Variants in CCNY observed in about 807,000 individuals in gnomAD.
CCNY encodes cyclin-Y.
In CCNY, 19 loss-of-function variants were observed where a neutral mutation model predicts 42.8. The ratio of observed to expected loss-of-function variants is 0.44; its 90% CI spans 0.31 to 0.65. The LOEUF (loss-of-function observed/expected upper bound fraction) is 0.65. Among genes scored for constraint, CCNY ranks in the 30% least tolerant of loss-of-function variants. The pLI is 0.07. For missense variants in CCNY, 370 were observed against 437.3 expected, an observed-to-expected ratio of 0.85 and a Z score of 1.37; for synonymous variants, 165 against 162.7, an observed-to-expected ratio of 1.01 and a Z score of -0.11.
At chr10:35,508,982 A>C (rs964978569) in intron 3 of CCNY, among the ~76,000 whole-genome samples, 58 of 152,224 alleles carry the variant, frequency 3.8e-4, no homozygotes, top group African/African-American at 1.2e-3. Flanking sequence ...AAATGTAATC[A>C]TATAATACAT....
At chr10:35,292,872 T>C (rs1487489276) in intron 3 of CCNY, among the ~76,000 whole-genome samples, 1 of 148,840 alleles carries the variant, frequency 6.7e-6, no homozygotes, top group Non-Finnish European at 1.5e-5. Flanking sequence ...TGCAGTCTCC[T>C]GGGTTCAAGC....
At chr10:35,517,498 C>T (rs767116756) in intron 4 of CCNY, among the ~76,000 whole-genome samples, 23 of 152,156 alleles carry the variant, frequency 1.5e-4, no homozygotes, top group Non-Finnish European at 2.9e-4. Flanking sequence ...GAGTATTCGT[C>T]CATTTCAGTG....
chr10:35,370,480 T>C lies in CCNY; in HGVS notation c.154+33273T>C, dbSNP rs568265716. 1.5e-4 allele frequency among the ~76,000 whole-genome samples: 23 copies of C among 152,032 alleles called. No homozygotes were observed. The South Asian group carries it at 4.6e-3, about 30-fold the overall frequency. On this transcript the variant is annotated intron_variant, in intron 1 of 9. Coordinates refer to ENST00000374704, the MANE Select transcript of CCNY (RefSeq NM_145012.6). ...CTCATCCATATTCTTTTGGTGTTTA[T>C]GTATACTTGCTCTGTGCCTGGAAAC...
chr10:35,343,964 G>A (rs1298336184), intron 1 of CCNY, among the ~76,000 whole-genome samples: 1 of 152,090 alleles, frequency 6.6e-6, no homozygotes, highest in Non-Finnish European at 1.5e-5. Flanking sequence ...ATTCAACATT[G>A]GGCTGTGAGG....
At chr10:35,440,504 G>C (rs187406161) in intron 1 of CCNY, among the ~76,000 whole-genome samples, 59 of 152,322 alleles carry the variant, frequency 3.9e-4, no homozygotes, top group African/African-American at 1.3e-3. Context: ...GCCTGGCCTG[G>C]ATCTGCCTAC....
chr10:35,290,307 C>T (rs1347641317), intron 3 of CCNY, among the ~76,000 whole-genome samples: 3 of 148,032 alleles, frequency 2.0e-5, no homozygotes, highest in Non-Finnish European at 4.4e-5. Flanking sequence ...ATCCCAGCTA[C>T]TTGGGAGGTT....
At chr10:35,437,298 G>C (rs757121953) in intron 1 of CCNY, among the ~76,000 whole-genome samples, 9 of 152,178 alleles carry the variant, frequency 5.9e-5, no homozygotes, top group Admixed American at 2.0e-4. Context: ...TCAGGCAAAG[G>C]CCTAATAATT....
chr10:35,558,315 A>G (rs1841400298), intron 8 of CCNY, among the ~76,000 whole-genome samples: 2 of 152,216 alleles, frequency 1.3e-5, no homozygotes, highest in East Asian at 3.9e-4. Context: ...CAGAAGGAGA[A>G]CCTGCACACA....
chr10:35,318,298 G>A lies in CCNY; in HGVS notation c.-9+67672G>A, dbSNP rs192398195. Among the ~76,000 whole-genome samples the A allele has an allele frequency of 3.0e-3, 453 of 152,212 alleles. 17 individuals are homozygous for A. The highest frequency in any genetic ancestry group is 0.027 in the Admixed American group (420 of 15,276). ...TGTTAAGCAGAAGGGCAAGAAAGCA[G>A]AGTTGTGACCACCAACTCTGTGCAT... On this transcript the variant is annotated intron_variant, in intron 3 of 11. Coordinates refer to the CCNY transcript ENST00000374706.
chr10:35,471,295 C>T (rs1013528659), intron 1 of CCNY, among the ~76,000 whole-genome samples: 2 of 152,188 alleles, frequency 1.3e-5, no homozygotes, highest in African/African-American at 4.8e-5. Context: ...ACTTTACAGG[C>T]TTGCTTTGGC....
chr10:35,558,592 A>AT (rs1841406310), intron 8 of CCNY, among the ~76,000 whole-genome samples: 1 of 152,156 alleles, frequency 6.6e-6, no homozygotes. Flanking sequence ...TTGGAGATAT[A>AT]TTTTTTAAAG....
At chr10:35,373,652 A>G (rs1203369387) in intron 1 of CCNY, among the ~76,000 whole-genome samples, 2 of 152,146 alleles carry the variant, frequency 1.3e-5, no homozygotes, top group South Asian at 2.1e-4. Context: ...GACCTTTATA[A>G]TGATCCACTT....
chr10:35,412,248 CAG>C lies in CCNY; in HGVS notation c.155-71155_155-71154del, dbSNP rs57146694. On this transcript the variant is annotated intron_variant, in intron 1 of 9. Transcript: ENST00000374704. Reference sequence around the variant, plus strand: ...CAGGGAGGGAGTGGGCAGTTGGAAACAGTAATCCAATCTACAGCAGATGGAGA... The same window carrying C: ...CAGGGAGGGAGTGGGCAGTTGGAAACTAATCCAATCTACAGCAGATGGAGA... Among the ~76,000 whole-genome samples the C allele has an allele frequency of 1.2e-4, 18 of 152,292 alleles. No homozygotes were observed. In the East Asian group the frequency reaches 3.3e-3, roughly 28 times the overall value.
At chr10:35,430,828 C>A (rs976366123) in intron 1 of CCNY, among the ~76,000 whole-genome samples, 1 of 152,024 alleles carries the variant, frequency 6.6e-6, no homozygotes, top group Non-Finnish European at 1.5e-5. Flanking sequence ...AAATTTAATA[C>A]GGCTTGGCGT....
At chr10:35,401,882 A>T (rs1260280580) in intron 1 of CCNY, among the ~76,000 whole-genome samples, 1 of 152,208 alleles carries the variant, frequency 6.6e-6, no homozygotes, top group African/African-American at 2.4e-5. Flanking sequence ...GGCAGAAACA[A>T]ATCACAGTGG....
intron 3 of CCNY, among the ~76,000 whole-genome samples, chr10:35,274,918 G>A (rs1835219532): frequency 1.3e-5 from 2 of 152,144 alleles, no homozygotes; most frequent in South Asian, 2.1e-4. Context: ...CCCATCACCT[G>A]CTGTGATCCC....
At chr10:35,249,619 C>T (rs929311923) in intron 2 of CCNY, among the ~76,000 whole-genome samples, 1 of 152,172 alleles carries the variant, frequency 6.6e-6, no homozygotes, top group Non-Finnish European at 1.5e-5. Flanking sequence ...GAATGTTCTG[C>T]AGAAAGTGTG....
intron 3 of CCNY, among the ~76,000 whole-genome samples, chr10:35,266,765 C>T (rs1353545416): frequency 6.6e-6 from 1 of 151,988 alleles, no homozygotes; most frequent in Non-Finnish European, 1.5e-5. Context: ...TAATTCATTC[C>T]ACTTTCTAGG....
chr10:35,358,710 A>C (rs1334355389), intron 1 of CCNY, among the ~76,000 whole-genome samples: 1 of 152,232 alleles, frequency 6.6e-6, no homozygotes, highest in Non-Finnish European at 1.5e-5. Context: ...AAGAAGAAGA[A>C]GGCAAAGATG....
Sources: gnomAD v4.1 joint callset for allele counts (sites outside exome capture counted in the v4.1 genomes callset) on GRCh38, gnomAD v4.1.1 for gene constraint, MANE v1.5 for transcripts, NCBI Gene and HGNC (gene_info 2026-07-23, HGNC 2026-07-21) for gene names.